Variants in NSF observed in about 807,000 individuals in gnomAD.
NSF encodes vesicle-fusing ATPase.
A neutral mutation model predicts 50.3 loss-of-function variants in NSF; 14 were observed. The observed-to-expected ratio is 0.28, with a 90% confidence interval of 0.18 to 0.44. NSF has a LOEUF of 0.44. Among genes scored for constraint, NSF ranks in the 20% least tolerant of loss-of-function variants. The pLI, the probability that NSF is intolerant of heterozygous loss-of-function variation, is 1.00. For missense variants in NSF, 218 were observed against 504.3 expected, an observed-to-expected ratio of 0.43 and a Z score of 5.44; for synonymous variants, 109 against 175.7, an observed-to-expected ratio of 0.62 and a Z score of 3.00.
intron 1 of NSF, among the ~76,000 whole-genome samples, chr17:46,620,309 C>T (rs1374389291): frequency 1.9e-4 from 2 of 10,596 alleles, no homozygotes; most frequent in Non-Finnish European, 3.0e-4. Flanking sequence ...TTTTTTCTCT[C>T]GCTCTCTTTT....
intron 15 of NSF, chr17:46,722,061 G>A: frequency 6.2e-7 from 1 of 1,610,278 alleles, no homozygotes; most frequent in Non-Finnish European, 8.5e-7. Flanking sequence ...TGAGCCTTGA[G>A]GTCCGAGTTC....
At chr17:46,744,370 A>G (rs2059107431) in intron 17 of NSF, among the ~76,000 whole-genome samples, 1 of 152,232 alleles carries the variant, frequency 6.6e-6, no homozygotes, top group African/African-American at 2.4e-5. Flanking sequence ...TAAGCAGAAA[A>G]TAAAGTTTAA....
At chr17:46,734,190 A>G (rs2058977951) in intron 17 of NSF, among the ~76,000 whole-genome samples, 1 of 152,240 alleles carries the variant, frequency 6.6e-6, no homozygotes, top group Admixed American at 6.5e-5. Flanking sequence ...AAATAAGCAG[A>G]TAATGGAAGA....
intron 15 of NSF, among the ~76,000 whole-genome samples, chr17:46,726,099 T>TC (rs1210310633): frequency 6.6e-6 from 1 of 152,224 alleles, no homozygotes; most frequent in Non-Finnish European, 1.5e-5. Flanking sequence ...ACCATTATGG[T>TC]CTGATTTGAG....
intron 9 of NSF, among the ~76,000 whole-genome samples, chr17:46,675,258 AG>A (rs2146204285): frequency 1.3e-5 from 1 of 78,008 alleles, no homozygotes; most frequent in South Asian, 4.0e-4. Context: ...TTGAGTTGAT[AG>A]ACTGAATAAA....
chr17:46,718,298 G>A (rs2146275717), intron 15 of NSF, among the ~76,000 whole-genome samples: 1 of 152,174 alleles, frequency 6.6e-6, no homozygotes, highest in African/African-American at 2.4e-5. Flanking sequence ...TACTGGCCAT[G>A]CCGGGCCAGC....
intron 15 of NSF, among the ~76,000 whole-genome samples, chr17:46,722,479 C>T (rs1005099094): frequency 2.6e-5 from 4 of 152,190 alleles, no homozygotes; most frequent in Non-Finnish European, 5.9e-5. Context: ...AGTACCTCTC[C>T]TCCTGCTGGG....
At chr17:46,745,204 C>T (rs183940460) in intron 17 of NSF, among the ~76,000 whole-genome samples, 4 of 152,300 alleles carry the variant, frequency 2.6e-5, no homozygotes, top group Non-Finnish European at 4.4e-5. Flanking sequence ...TCCCTTCAGA[C>T]GAATCCCATG....
At chr17:46,613,214 G>T (rs2146124402) in intron 1 of NSF, among the ~76,000 whole-genome samples, 2 of 25,158 alleles carry the variant, frequency 7.9e-5, no homozygotes, top group African/African-American at 2.4e-4. Context: ...TGAATTTGAG[G>T]TTACAGTGAG....
chr17:46,704,892 TA>T, intron 13 of NSF, 38 bp downstream of exon 13: 1 of 1,566,360 alleles, frequency 6.4e-7, no homozygotes, highest in Non-Finnish European at 8.7e-7. Flanking sequence ...GGCCAAAAAG[TA>T]ATGATAATAA....
chr17:46,744,162 A>G (rs1160190179), intron 17 of NSF, among the ~76,000 whole-genome samples: 2 of 152,156 alleles, frequency 1.3e-5, no homozygotes, highest in African/African-American at 4.8e-5. Context: ...CTGAATATTT[A>G]TTTGGTTTTC....
intron 19 of NSF, among the ~76,000 whole-genome samples, chr17:46,752,683 C>G (rs577730944): frequency 6.6e-5 from 10 of 152,258 alleles, no homozygotes; most frequent in Admixed American, 3.9e-4. Flanking sequence ...CTTGAACTCC[C>G]GAGCTCAAGT....
Position 46,719,571 on chromosome 17 carries a change from G to A in NSF, c.1761+5585G>A, listed in dbSNP as rs551012280. Reference sequence around the variant, plus strand: ...AGGTATTGTCCTCACGTTCTGGGGGGTATACCATATGTTCCATTAAGATGT... The same window carrying A: ...AGGTATTGTCCTCACGTTCTGGGGGATATACCATATGTTCCATTAAGATGT... On this transcript the variant is annotated intron_variant, in intron 15 of 20. Coordinates refer to ENST00000398238, the MANE Select transcript of NSF (RefSeq NM_006178.4). This position sits in a 1 kb window ranked among gnomAD's most constrained non-coding sequence, Gnocchi z 4.3. Among the ~76,000 whole-genome samples the A allele has an allele frequency of 2.6e-5, 4 of 152,192 alleles. No homozygotes were observed. The highest frequency in any genetic ancestry group is 9.6e-5 in the African/African-American group (4 of 41,544).
At chr17:46,755,443 G>GT in intron 20 of NSF, 74 bp downstream of exon 20, 2 of 1,227,894 alleles carry the variant, frequency 1.6e-6, no homozygotes, top group South Asian at 2.4e-5. Context: ...TATTCTAAGA[G>GT]TTGCTTTCCT....
chr17:46,688,268 T>C (rs968155804), intron 9 of NSF, among the ~76,000 whole-genome samples: 1 of 151,052 alleles, frequency 6.6e-6, no homozygotes, highest in African/African-American at 2.5e-5. Context: ...CCTAGCACTT[T>C]GGGAAGCCAA....
At chr17:46,730,229 TTATG>T (rs2146299081) in intron 17 of NSF, among the ~76,000 whole-genome samples, 1 of 152,298 alleles carries the variant, frequency 6.6e-6, no homozygotes, top group South Asian at 2.1e-4. Context: ...CAAAAAAACT[TTATG>T]TCAGCATATT....
At chr17:46,727,283 T>C (rs1010855266) in intron 16 of NSF, among the ~76,000 whole-genome samples, 3 of 152,120 alleles carry the variant, frequency 2.0e-5, no homozygotes, top group Non-Finnish European at 4.4e-5. Flanking sequence ...TCATAAGAAA[T>C]AAACTGCAAG....
chr17:46,658,281 C>G (rs1461235512), intron 8 of NSF, among the ~76,000 whole-genome samples: 1 of 4,000 alleles, frequency 2.5e-4, no homozygotes, highest in African/African-American at 2.1e-3. Context: ...CTTAAGCGAT[C>G]CACCCACCTT....
chr17:46,703,547 T>G (rs1423008828), intron 12 of NSF, among the ~76,000 whole-genome samples: 3 of 147,870 alleles, frequency 2.0e-5, no homozygotes, highest in Non-Finnish European at 3.0e-5. Context: ...CCGGGCGTGG[T>G]GGTGGGCACC....
Sources: gnomAD v4.1 joint callset for allele counts (sites outside exome capture counted in the v4.1 genomes callset) on GRCh38, gnomAD v4.1.1 for gene constraint, Gnocchi (gnomAD v3.1) non-coding constraint, MANE v1.5 for transcripts, NCBI Gene and HGNC (gene_info 2026-07-23, HGNC 2026-07-21) for gene names.